VWA8: variants seen among roughly 807,000 people sequenced by gnomAD.
The protein encoded by VWA8 is von Willebrand factor A domain-containing protein 8.
VWA8 carries 221 observed loss-of-function variants against 241.5 expected under a neutral mutation model. The observed-to-expected ratio is 0.91, with a 90% CI of 0.82 to 1.02. The LOEUF (loss-of-function observed/expected upper bound fraction) is 1.02. Among genes scored for constraint, VWA8 ranks in the 50% least tolerant of loss-of-function variants. The pLI is 0.00. For missense variants in VWA8, 2,322 were observed against 2,328.7 expected, an observed-to-expected ratio of 1.00 and a Z score of 0.06; for synonymous variants, 852 against 827.1, an observed-to-expected ratio of 1.03 and a Z score of -0.52.
intron 2 of VWA8, chr13:41,927,269 T>A (rs1191014894): frequency 2.0e-6 from 1 of 506,230 alleles, no homozygotes; most frequent in African/African-American, 2.0e-5. Flanking sequence ...GTACTTCTAT[T>A]TCCTGCTATA....
intron 37 of VWA8, among the ~76,000 whole-genome samples, chr13:41,662,726 A>G (rs934333456): frequency 5.9e-5 from 9 of 151,820 alleles, no homozygotes; most frequent in African/African-American, 1.9e-4. Context: ...TTTAGGGTAC[A>G]TGTGCACAAC....
rs1283769028 is a variant in VWA8 at position 41,863,460 on chromosome 13, C to T, written c.1425+2276G>A. Among the ~76,000 whole-genome samples, 268 of 121,214 alleles carry T rather than the reference C, an allele frequency of 2.2e-3. 8 individuals carry two copies. The highest frequency in any genetic ancestry group is 5.8e-3 in the African/African-American group (211 of 36,084). 79.5% of individuals were successfully genotyped at this position (121,214 alleles called of 152,430 possible). On this transcript the variant is annotated intron_variant, in intron 12 of 44. Coordinates refer to ENST00000379310, the MANE Select transcript of VWA8 (RefSeq NM_015058.2). ...ATATATATATATATATATATTCACA[C>T]ACACACACACACTATATATATTAGT...
intron 18 of VWA8, among the ~76,000 whole-genome samples, chr13:41,784,486 G>C (rs1047359296): frequency 1.3e-5 from 2 of 151,472 alleles, no homozygotes; most frequent in South Asian, 4.2e-4. Context: ...AACACAGAGA[G>C]ACCCTGTCTC....
chr13:41,649,306 A>C (rs1186709302), intron 37 of VWA8, among the ~76,000 whole-genome samples: 1 of 152,196 alleles, frequency 6.6e-6, no homozygotes, highest in Non-Finnish European at 1.5e-5. Context: ...AGTTAGCTAA[A>C]ATAAATATTT....
chr13:41,901,633 C>T (rs184364006), intron 4 of VWA8, among the ~76,000 whole-genome samples: 4 of 151,742 alleles, frequency 2.6e-5, no homozygotes, highest in East Asian at 3.9e-4. Flanking sequence ...GGTGGGAGGC[C>T]GAGGTATGCG....
chr13:41,616,641 CTG>C (rs1374095803), intron 37 of VWA8, among the ~76,000 whole-genome samples: 1 of 152,128 alleles, frequency 6.6e-6, no homozygotes, highest in Non-Finnish European at 1.5e-5. Context: ...ATAAAATTTT[CTG>C]TGTTGATGAA....
rs117069977 is a variant in VWA8 at position 41,606,201 on chromosome 13, A to G, written c.4878-925T>C. On this transcript the variant is annotated intron_variant, in intron 39 of 44. Coordinates refer to ENST00000379310, the MANE Select transcript of VWA8 (RefSeq NM_015058.2). ...TAACTATCTGCCTCCTGTCTCCCCA[A>G]CTAGGCTCTATACTCCTTTAGGTAA... is the stretch of plus-strand genomic sequence containing the variant. Among the ~76,000 whole-genome samples the G allele has an allele frequency of 8.3e-4, 127 of 152,158 alleles. 2 individuals are homozygous for G. The East Asian group carries it at 0.022, about 27-fold the overall frequency.
intron 4 of VWA8, among the ~76,000 whole-genome samples, chr13:41,895,634 G>C (rs1875063708): frequency 6.6e-6 from 1 of 151,966 alleles, no homozygotes; most frequent in South Asian, 2.1e-4. Flanking sequence ...CTAACCACCT[G>C]CCTAAAAATA....
chr13:41,659,370 C>T (rs75385398), intron 37 of VWA8, among the ~76,000 whole-genome samples: 3,593 of 152,284 alleles, frequency 0.024, 61 homozygotes, highest in Middle Eastern at 0.058. Flanking sequence ...AATAACAGTA[C>T]CTTTCATATA....
intron 2 of VWA8, among the ~76,000 whole-genome samples, chr13:41,913,037 C>A (rs573094686): frequency 6.6e-6 from 1 of 151,864 alleles, no homozygotes; most frequent in Admixed American, 6.6e-5. Flanking sequence ...TGAATAAATA[C>A]ACAGAATGAA....
chr13:41,748,378 A>G (rs4942075), intron 21 of VWA8, among the ~76,000 whole-genome samples: 28,687 of 151,972 alleles, frequency 0.19, 3,466 homozygotes, highest in East Asian at 0.36. Flanking sequence ...TTTCTAGTTT[A>G]TTTGCGTAGA....
At chr13:41,852,330 T>C (rs181011930) in intron 12 of VWA8, among the ~76,000 whole-genome samples, 17 of 152,328 alleles carry the variant, frequency 1.1e-4, no homozygotes, top group African/African-American at 3.4e-4. Context: ...TTTTACAGTT[T>C]AGAAATTAAC....
intron 3 of VWA8, among the ~76,000 whole-genome samples, chr13:41,910,717 G>T (rs1220536726): frequency 6.6e-6 from 1 of 152,046 alleles, no homozygotes; most frequent in Admixed American, 6.5e-5. Flanking sequence ...ACAGTGGCAC[G>T]TTTTACCTCA....
chr13:41,671,768 G>A (rs1180926340), intron 36 of VWA8, among the ~76,000 whole-genome samples: 2 of 152,140 alleles, frequency 1.3e-5, no homozygotes, highest in Non-Finnish European at 2.9e-5. Flanking sequence ...GATACAGCAA[G>A]AAGTTAGCCC....
At chr13:41,816,604 G>A in intron 16 of VWA8, 94 bp downstream of exon 16, 2 of 1,234,520 alleles carry the variant, frequency 1.6e-6, no homozygotes, top group Non-Finnish European at 2.3e-6. Flanking sequence ...TAAAATACCA[G>A]CTTAAAAAAT....
chr13:41,662,054 CTTAAAA>C (rs1330663649), intron 37 of VWA8, among the ~76,000 whole-genome samples: 2 of 152,150 alleles, frequency 1.3e-5, no homozygotes, highest in East Asian at 3.8e-4. Context: ...TATAGTAAAT[CTTAAAA>C]TTAGGTAGCA....
chr13:41,589,873 T>G (rs184635025), intron 41 of VWA8, among the ~76,000 whole-genome samples: 1 of 152,328 alleles, frequency 6.6e-6, no homozygotes, highest in East Asian at 1.9e-4. Context: ...TCATCTACAC[T>G]TCTCCATCTC....
chr13:41,789,668 A>G (rs1869364103), intron 17 of VWA8, among the ~76,000 whole-genome samples: 1 of 152,180 alleles, frequency 6.6e-6, no homozygotes, highest in African/African-American at 2.4e-5. Flanking sequence ...TCAGGATGGT[A>G]GCAAAGAAGT....
chr13:41,688,909 A>G (rs1470103864), intron 34 of VWA8, among the ~76,000 whole-genome samples: 6 of 152,114 alleles, frequency 3.9e-5, no homozygotes, highest in Admixed American at 3.9e-4. Flanking sequence ...CCATCTGTAC[A>G]ACAAACTCCT....
Sources: gnomAD v4.1 joint callset for allele counts (sites outside exome capture counted in the v4.1 genomes callset) on GRCh38, gnomAD v4.1.1 for gene constraint, MANE v1.5 for transcripts, NCBI Gene and HGNC (gene_info 2026-07-23, HGNC 2026-07-21) for gene names.